FER: variants seen among roughly 807,000 people sequenced by gnomAD.
The protein encoded by FER is tyrosine-protein kinase Fer.
In FER, 63 loss-of-function variants were observed where a neutral mutation model predicts 111.0. The observed-to-expected ratio is 0.57, with a 90% CI of 0.46 to 0.70. The LOEUF is 0.70. FER is among the 30% of genes least tolerant of loss of function. The pLI is 0.00. For synonymous variants in FER, 327 were observed against 313.9 expected (o/e 1.04, Z -0.44); for missense variants, 914 against 954.0 (o/e 0.96, Z 0.55).
intron 2 of FER, among the ~76,000 whole-genome samples, chr5:108,791,598 A>G (rs932817026): frequency 2.7e-5 from 4 of 147,854 alleles, no homozygotes; most frequent in African/African-American, 7.4e-5. Flanking sequence ...ACATATATAT[A>G]TGATTTGTAA....
intron 17 of FER, among the ~76,000 whole-genome samples, chr5:109,173,961 A>G (rs1757422777): frequency 6.6e-6 from 1 of 152,204 alleles, no homozygotes; most frequent in Non-Finnish European, 1.5e-5. Flanking sequence ...ATCAGTTGAT[A>G]GCTGCATTCA....
At chr5:108,757,643 T>C (rs1751266076) in intron 1 of FER, among the ~76,000 whole-genome samples, 1 of 152,220 alleles carries the variant, frequency 6.6e-6, no homozygotes, top group South Asian at 2.1e-4. Context: ...CTTGAAAATG[T>C]CAGGAATCTT....
intron 1 of FER, among the ~76,000 whole-genome samples, chr5:108,753,938 C>T (rs1350785251): frequency 6.6e-6 from 1 of 152,094 alleles, no homozygotes; most frequent in African/African-American, 2.4e-5. Context: ...TATTTTTTCC[C>T]GTCCAGGTAC....
chr5:109,000,371 A>G (rs1764583478), intron 13 of FER, among the ~76,000 whole-genome samples: 1 of 152,076 alleles, frequency 6.6e-6, no homozygotes, highest in African/African-American at 2.4e-5. Flanking sequence ...TGAGTAAAGA[A>G]AGAGAACAAT....
chr5:108,781,720 C>T (rs1431953636), intron 2 of FER, among the ~76,000 whole-genome samples: 1 of 152,096 alleles, frequency 6.6e-6, no homozygotes, highest in East Asian at 1.9e-4. Flanking sequence ...CCCCGTCTCC[C>T]AAGGTAAGAC....
intron 3 of FER, among the ~76,000 whole-genome samples, chr5:108,826,373 T>C (rs1759470006): frequency 6.6e-6 from 1 of 152,198 alleles, no homozygotes; most frequent in Non-Finnish European, 1.5e-5. Context: ...ACATCTGTGT[T>C]CATTAGGGAT....
intron 11 of FER, among the ~76,000 whole-genome samples, chr5:108,951,232 C>G (rs1020132281): frequency 3.9e-5 from 6 of 151,938 alleles, no homozygotes; most frequent in African/African-American, 1.5e-4. Flanking sequence ...CCATTGGACT[C>G]CAGCCTGGGT....
In FER at chr5:108,879,701, A is replaced by ATATATATATATATATATAT. The variant is rs1554084619; in HGVS notation, c.924-3695_924-3694insTATATATATATATATATAT. 1.7e-3 allele frequency among the ~76,000 whole-genome samples: 164 copies of ATATATATATATATATATAT among 99,044 alleles called. 1 individual carries two copies. Among genetic ancestry groups the ATATATATATATATATATAT allele is most frequent in the Middle Eastern group, 5.4e-3 (1 of 184 alleles). 65.0% of individuals were successfully genotyped at this position (99,044 alleles called of 152,430 possible). A position where few individuals can be genotyped will look rare whatever the true frequency, so the allele number is the denominator to read the frequency against. On this transcript the variant is annotated intron_variant, in intron 8 of 19. Coordinates refer to ENST00000281092, the MANE Select transcript of FER (RefSeq NM_005246.4). ...ATGTATTTTTTTTAGATTAAAAAAA[A>ATATATATATATATATATAT]ATATATATATATATATATATATATT... is the stretch of plus-strand genomic sequence containing the variant.
At chr5:108,787,149 C>T (rs1237926501) in intron 2 of FER, among the ~76,000 whole-genome samples, 1 of 152,176 alleles carries the variant, frequency 6.6e-6, no homozygotes, top group Admixed American at 6.5e-5. Flanking sequence ...CTGCTCTCAC[C>T]CCCTGGCCTC....
At chr5:108,835,098 G>C (rs964683983) in intron 4 of FER, among the ~76,000 whole-genome samples, 7 of 142,118 alleles carry the variant, frequency 4.9e-5, no homozygotes, top group African/African-American at 1.9e-4. Context: ...TTAATGGTTT[G>C]TTTAATTACA....
intron 13 of FER, among the ~76,000 whole-genome samples, chr5:108,978,691 A>C (rs1429732162): frequency 6.6e-6 from 1 of 152,194 alleles, no homozygotes; most frequent in Non-Finnish European, 1.5e-5. Context: ...ATGCGTTGAG[A>C]GAATGTTTTA....
rs191836565 is a variant in FER, at chr5:109,182,009, T to C, written c.2203+1108T>C. ...ACAAATGGAATTATACGGTATGCGA[T>C]ATCTTGTGTCTGGCTTATTTTACTT... On this transcript the variant is annotated intron_variant, in intron 18 of 19. Coordinates refer to ENST00000281092, the MANE Select transcript of FER (RefSeq NM_005246.4). Among the ~76,000 whole-genome samples, 73 of 152,382 alleles carry C rather than the reference T, an allele frequency of 4.8e-4. 2 individuals carry two copies. In the East Asian group the frequency reaches 0.013, roughly 27 times the overall value.
At chr5:109,025,625 C>G (rs1037995625) in intron 13 of FER, among the ~76,000 whole-genome samples, 1 of 146,810 alleles carries the variant, frequency 6.8e-6, no homozygotes. Flanking sequence ...CTTCTCCTGC[C>G]TAATTGCCCT....
At chr5:108,752,145 T>C (rs1750575188) in intron 1 of FER, among the ~76,000 whole-genome samples, 1 of 152,138 alleles carries the variant, frequency 6.6e-6, no homozygotes, top group African/African-American at 2.4e-5. Flanking sequence ...TTTAGAACTT[T>C]AGTTGTAGAT....
chr5:108,959,595 T>C (rs1758890568), intron 13 of FER, among the ~76,000 whole-genome samples: 1 of 151,988 alleles, frequency 6.6e-6, no homozygotes, highest in Non-Finnish European at 1.5e-5. Flanking sequence ...TCCCCTTTCC[T>C]AGTTTTTCTT....
intron 5 of FER, among the ~76,000 whole-genome samples, chr5:108,855,928 G>A (rs927212820): frequency 4.0e-5 from 6 of 151,664 alleles, no homozygotes; most frequent in African/African-American, 1.5e-4. Context: ...ACTGGAAGAA[G>A]TGTAGTAAAG....
intron 13 of FER, among the ~76,000 whole-genome samples, chr5:109,005,636 A>G (rs1765398351): frequency 6.6e-6 from 1 of 152,248 alleles, no homozygotes; most frequent in Non-Finnish European, 1.5e-5. Context: ...GTTTAGACAG[A>G]GGAGTTCCAA....
Position 109,194,141 on chromosome 5 carries a change from C to T in FER, c.*6566C>T, listed in dbSNP as rs1759570705. 1 of 152,202 alleles carries T rather than the reference C, an allele frequency of 6.6e-6. No homozygotes were observed. Among genetic ancestry groups the T allele is most frequent in the African/African-American group, 2.4e-5 (1 of 41,454 alleles). 9.4% of individuals were successfully genotyped at this position (152,202 alleles called of 1,614,324 possible). ...TCTACCCACTAAAGAAATGTGTAAA[C>T]ACTAGCAATAATTGCTTTATCTTAA... On this transcript the variant is annotated 3_prime_UTR_variant, in exon 20 of 20. Coordinates refer to ENST00000281092, the MANE Select transcript of FER (RefSeq NM_005246.4).
intron 1 of FER, among the ~76,000 whole-genome samples, chr5:108,753,488 G>C (rs6873068): frequency 0.51 from 78,106 of 151,692 alleles, 21,595 homozygotes; most frequent in African/African-American, 0.71. Flanking sequence ...TTTTCTTTTT[G>C]CCTAGATGAT....
Sources: gnomAD v4.1 joint callset for allele counts (sites outside exome capture counted in the v4.1 genomes callset) on GRCh38, gnomAD v4.1.1 for gene constraint, MANE v1.5 for transcripts, NCBI Gene and HGNC (gene_info 2026-07-23, HGNC 2026-07-21) for gene names.